ANO1: variants seen among roughly 807,000 people sequenced by gnomAD.
ANO1 encodes anoctamin 1.
In ANO1, 59 loss-of-function variants were observed where a neutral mutation model predicts 124.0. The observed-to-expected ratio is 0.48, with a 90% CI of 0.39 to 0.59. ANO1 has a LOEUF of 0.59. ANO1 is among the 20% of genes least tolerant of loss of function. The pLI is 0.00. For missense variants in ANO1, 1,059 were observed against 1,328.0 expected, an observed-to-expected ratio of 0.80 and a Z score of 3.15; for synonymous variants, 529 against 532.0, an observed-to-expected ratio of 0.99 and a Z score of 0.08.
At chr11:70,123,268 C>T (rs1449316520) in intron 8 of ANO1, among the ~76,000 whole-genome samples, 1 of 152,188 alleles carries the variant, frequency 6.6e-6, no homozygotes, top group East Asian at 1.9e-4. Context: ...CAGCAGGCGG[C>T]CCCTCTATGG....
At chr11:69,984,787 G>T (rs1267194241), upstream of ANO1, among the ~76,000 whole-genome samples, 3 of 152,194 alleles carry the variant, frequency 2.0e-5, no homozygotes, top group Non-Finnish European at 4.4e-5. Flanking sequence ...GGCATGGGCT[G>T]GTCCTCAGCA....
intron 14 of ANO1, among the ~76,000 whole-genome samples, 182 bp downstream of exon 14, chr11:70,153,310 G>A (rs1189388233): frequency 1.3e-5 from 2 of 152,248 alleles, no homozygotes; most frequent in Non-Finnish European, 2.9e-5. Context: ...ACATGGGCCT[G>A]TGTTCCACAC....
chr11:70,064,012 G>A (rs1468207792), intron 1 of ANO1: 2 of 152,212 alleles, frequency 1.3e-5, no homozygotes, highest in Non-Finnish European at 2.9e-5. Context: ...AAGGCACAGA[G>A]GCTGTTTCTG....
intron 22 of ANO1, among the ~76,000 whole-genome samples, chr11:70,177,826 C>T (rs1207267641): frequency 2.0e-5 from 3 of 152,162 alleles, no homozygotes; most frequent in South Asian, 4.1e-4. Context: ...CTCGAACTCC[C>T]GACCTCAGGT....
intron 8 of ANO1, among the ~76,000 whole-genome samples, chr11:70,123,796 C>T (rs2046386800): frequency 2.0e-5 from 3 of 152,188 alleles, no homozygotes; most frequent in Admixed American, 2.0e-4. Flanking sequence ...ACTAGCAGTC[C>T]TAACCCAGCA....
intron 12 of ANO1, among the ~76,000 whole-genome samples, chr11:70,150,099 C>T (rs1940236): frequency 0.11 from 17,362 of 152,148 alleles, 1,180 homozygotes; most frequent in South Asian, 0.23. Flanking sequence ...CTGACCTCAT[C>T]GCGTCTGGGG....
intron 6 of ANO1, among the ~76,000 whole-genome samples, chr11:70,110,324 C>G (rs1011577994): frequency 2.0e-5 from 3 of 151,498 alleles, no homozygotes; most frequent in Non-Finnish European, 4.4e-5. Context: ...GTAGCTGGGA[C>G]TACAGGCGCC....
At chr11:69,985,396 A>T (rs1856018139), upstream of ANO1, among the ~76,000 whole-genome samples, 1 of 152,006 alleles carries the variant, frequency 6.6e-6, no homozygotes, top group Non-Finnish European at 1.5e-5. Flanking sequence ...GACCCCAGTG[A>T]CCTGTAACCT....
intron 2 of ANO1, among the ~76,000 whole-genome samples, chr11:70,100,147 G>A (rs750786967): frequency 1.2e-4 from 18 of 152,146 alleles, no homozygotes; most frequent in South Asian, 2.1e-4. Flanking sequence ...CCGCTCCTGG[G>A]TCCGTGCTCC....
intron 7 of ANO1, among the ~76,000 whole-genome samples, chr11:70,114,143 G>A (rs758650165): frequency 2.6e-4 from 39 of 152,158 alleles, no homozygotes; most frequent in Admixed American, 3.3e-4. Flanking sequence ...AATCTTCATC[G>A]TGCCTTATGC....
At chr11:70,103,033 C>A (rs761007297) in intron 2 of ANO1, 33 bp from the exon 3 acceptor site, 1 of 1,508,322 alleles carries the variant, frequency 6.6e-7, no homozygotes, top group Non-Finnish European at 9.1e-7. Context: ...TGCACCGCCC[C>A]CCCTCAACCC....
At position 70,021,458 on chromosome 11, in the gene ANO1, C is replaced by T. The variant is rs1467261565; in HGVS notation, c.58+35292C>T. On this transcript the variant is annotated intron_variant, in intron 1 of 27. Coordinates refer to the ANO1 transcript ENST00000531349. ...TTCAGTTTTTAGAATAAGGAGAGTG[C>T]TTTTTGTTGTTGTTGTTTCTTTTTT... is the stretch of plus-strand genomic sequence containing the variant. 8.2e-5 allele frequency among the ~76,000 whole-genome samples: 12 copies of T among 145,524 alleles called. No individual in the cohort carries two copies. In the South Asian group the frequency reaches 1.2e-3, roughly 14 times the overall value.
chr11:70,080,156 C>T (rs1168999754), intron 1 of ANO1, among the ~76,000 whole-genome samples: 1 of 152,210 alleles, frequency 6.6e-6, no homozygotes. Context: ...AGGGACTATT[C>T]CATAGTGCTG....
At chr11:70,165,634 C>G in intron 20 of ANO1, 64 bp downstream of exon 20, 1 of 1,383,270 alleles carries the variant, frequency 7.2e-7, no homozygotes, top group Non-Finnish European at 1.0e-6. Flanking sequence ...GTGTGGGTGG[C>G]TCCTGCGGGG....
intron 1 of ANO1, among the ~76,000 whole-genome samples, chr11:70,012,913 A>T (rs1555001344): frequency 6.6e-6 from 1 of 152,216 alleles, no homozygotes; most frequent in Admixed American, 6.5e-5. Context: ...GGACAACAAG[A>T]CCAACCATGC....
Position 70,180,265 on chromosome 11 carries a change from C to T in ANO1, c.2403+209C>T, listed in dbSNP as rs141924749. ...GGGAGGCATAACAAATTCTCTTCAA[C>T]CTTTTTCTGCAAGTTTTTTTTTTTT... On this transcript the variant is annotated intron_variant, in intron 23 of 25. Coordinates refer to ENST00000355303, the MANE Select transcript of ANO1 (RefSeq NM_018043.7). Among the ~76,000 whole-genome samples, 8 of 148,636 alleles carry T rather than the reference C, an allele frequency of 5.4e-5. No homozygotes were observed. The South Asian group carries it at 1.7e-3, about 32-fold the overall frequency.
intron 23 of ANO1, among the ~76,000 whole-genome samples, chr11:70,180,265 C>A (rs141924749): frequency 6.7e-6 from 1 of 148,636 alleles, no homozygotes; most frequent in East Asian, 2.0e-4. Context: ...TTCTCTTCAA[C>A]CTTTTTCTGC....
At chr11:70,013,607 C>T (rs568073087) in intron 1 of ANO1, among the ~76,000 whole-genome samples, 3 of 144,566 alleles carry the variant, frequency 2.1e-5, no homozygotes, top group African/African-American at 7.5e-5. Context: ...GGTGAAACCC[C>T]GTCTCCACTA....
Position 70,082,813 on chromosome 11 carries a change from G to A in ANO1, c.108+4099G>A, listed in dbSNP as rs547039881. On this transcript the variant is annotated intron_variant, in intron 1 of 25. Coordinates refer to ENST00000355303, the MANE Select transcript of ANO1 (RefSeq NM_018043.7). ...GGGCACCATAAAGTCACACGCACTG[G>A]TCCTTGCTATGCATTCACCTCCCGA... Among the ~76,000 whole-genome samples the A allele has an allele frequency of 7.9e-5, 12 of 152,262 alleles. No homozygotes were observed. In the East Asian group the frequency reaches 2.3e-3, roughly 29 times the overall value.
Sources: allele counts gnomAD v4.1 joint callset (sites outside exome capture counted in the v4.1 genomes callset), GRCh38; gene constraint gnomAD v4.1.1; transcripts MANE v1.5; gene names NCBI Gene and HGNC (gene_info 2026-07-23, HGNC 2026-07-21).